FRYL: variants seen among roughly 807,000 people sequenced by gnomAD.
The protein encoded by FRYL is protein furry homolog-like.
FRYL carries 150 observed loss-of-function variants against 351.2 expected under a neutral mutation model. The ratio of observed to expected loss-of-function variants is 0.43; its 90% CI spans 0.37 to 0.49. The LOEUF (loss-of-function observed/expected upper bound fraction) is 0.49, where lower values mean the gene tolerates loss of function less well. Ranked by LOEUF, FRYL falls within the 20% of genes least tolerant of loss-of-function variation. The probability of loss-of-function intolerance (pLI) is 0.00; values close to 1 mark genes in which losing one functional copy is unlikely to be tolerated. For synonymous variants in FRYL, 1,153 were observed against 1,257.1 expected (o/e 0.92, Z 1.75); for missense variants, 3,036 against 3,619.3 (o/e 0.84, Z 4.13).
At chr4:48,639,037 A>T (rs1168551181) in intron 3 of FRYL, among the ~76,000 whole-genome samples, 1 of 152,064 alleles carries the variant, frequency 6.6e-6, no homozygotes, top group African/African-American at 2.4e-5. Context: ...GCAAACCAAC[A>T]TGGCATGTGT....
Position 48,619,282 on chromosome 4 carries a change from G to T in FRYL, c.403C>A (p.Leu135Ile). ...FIFCLVLVEV[L>I]KQIPVHPVPD... Reference sequence around the variant, plus strand: ...GAAATAAAAGAGCTTACCTGCTTTAGAACTTCAACTAAAACTAAACAAAAA... The same window carrying T: ...GAAATAAAAGAGCTTACCTGCTTTATAACTTCAACTAAAACTAAACAAAAA... Residue 135 changes from leucine (L) to isoleucine (I), a missense_variant, in exon 7 of 64, where the codon CTA becomes ATA. Leu to Ile is a conservative substitution (Grantham distance 5). Coordinates refer to ENST00000358350, the MANE Select transcript of FRYL (RefSeq NM_015030.2). 2 of 1,600,474 alleles carry T rather than the reference G, an allele frequency of 1.2e-6. No homozygotes were observed. Among genetic ancestry groups the T allele is most frequent in the South Asian group, 1.1e-5 (1 of 89,856 alleles).
Position 48,607,306 on chromosome 4 carries a change from T to G in FRYL, c.573-700A>C, listed in dbSNP as rs1333286793. ...CCAGTTCCTTAAAGTTAAAATAACC[T>G]CAAAACATGCTTTCCAGTGGTCACT... On this transcript the variant is annotated intron_variant, in intron 9 of 63. Coordinates refer to ENST00000358350, the MANE Select transcript of FRYL (RefSeq NM_015030.2). Among the ~76,000 whole-genome samples the G allele has an allele frequency of 2.6e-5, 4 of 152,024 alleles. No individual in the cohort carries two copies. The East Asian group carries it at 7.7e-4, about 29-fold the overall frequency.
intron 1 of FRYL, among the ~76,000 whole-genome samples, chr4:48,776,149 T>C (rs1358517941): frequency 1.3e-5 from 2 of 150,670 alleles, no homozygotes; most frequent in Non-Finnish European, 3.0e-5. Context: ...ACACTTTTCG[T>C]TTCTTTTTTT....
intron 1 of FRYL, among the ~76,000 whole-genome samples, chr4:48,714,639 C>G (rs1408194225): frequency 6.7e-6 from 1 of 149,494 alleles, no homozygotes; most frequent in African/African-American, 2.4e-5. Context: ...AATAGCTTAC[C>G]AACCAAAAAG....
chr4:48,716,438 AAAC>A lies in FRYL; in HGVS notation c.-383-5743_-383-5741del, dbSNP rs554802767. Among the ~76,000 whole-genome samples, 160 of 151,796 alleles carry A rather than the reference AAAC, an allele frequency of 1.1e-3. 5 individuals carry two copies. Among genetic ancestry groups the A allele is most frequent in the Admixed American group, 8.6e-3 (130 of 15,144 alleles). ...TCCAACAAATTTACAAGAAAAAAAC[AAAC>A]AACCCCGTCAGAAAGTGGGCGAAGG... On this transcript the variant is annotated intron_variant, in intron 1 of 63. Transcript: ENST00000358350.
At position 48,679,187 on chromosome 4, in the gene FRYL, C is replaced by T. The variant is rs373278688; in HGVS notation, c.-81+5486G>A. ...TTTAATTAAAATTATGAGATGCCAA[C>T]CCATCAGTGGCCTCATTTCCATTTC... On this transcript the variant is annotated intron_variant, in intron 3 of 63. Transcript: ENST00000358350. 7.9e-5 allele frequency among the ~76,000 whole-genome samples: 12 copies of T among 152,134 alleles called. No homozygotes were observed. The South Asian group carries it at 2.5e-3, about 32-fold the overall frequency.
intron 3 of FRYL, among the ~76,000 whole-genome samples, chr4:48,634,743 TTTG>T (rs975706714): frequency 3.3e-5 from 5 of 152,162 alleles, no homozygotes; most frequent in Admixed American, 2.6e-4. Flanking sequence ...TCTTTTGGTT[TTTG>T]TTGTTGTTGT....
intron 3 of FRYL, among the ~76,000 whole-genome samples, chr4:48,649,000 C>T (rs1400469028): frequency 6.6e-6 from 1 of 152,096 alleles, no homozygotes; most frequent in Non-Finnish European, 1.5e-5. Flanking sequence ...CTTTGAAAAA[C>T]AGCAATAATA....
At chr4:48,759,812 C>G (rs1239107950) in intron 1 of FRYL, among the ~76,000 whole-genome samples, 1 of 152,114 alleles carries the variant, frequency 6.6e-6, no homozygotes, top group Non-Finnish European at 1.5e-5. Context: ...TTAGGCCCAG[C>G]CAGTAATCCA....
chr4:48,620,838 A>C (rs1750515129), intron 5 of FRYL, 60 bp from the exon 6 acceptor site: 2 of 1,400,598 alleles, frequency 1.4e-6, no homozygotes, highest in East Asian at 4.6e-5. Context: ...CACACTCTTA[A>C]GTTCTATTAG....
intron 29 of FRYL, among the ~76,000 whole-genome samples, chr4:48,565,278 GTAA>G (rs1736520020): frequency 2.3e-4 from 1 of 4,296 alleles, no homozygotes; most frequent in South Asian, 0.05. Context: ...AAGTAATTAA[GTAA>G]GGGAAAAAAG....
rs112443615 is a variant in FRYL, at chr4:48,612,238, G to GA, written c.412-2416dup. ...TATTCCAGTCTGTACCTGAATCTTTGAAAAAAAAAAAGTGTATTAATTCTT... is the reference window on the plus strand; with the variant it reads ...TATTCCAGTCTGTACCTGAATCTTTGAAAAAAAAAAAAGTGTATTAATTCTT... On this transcript the variant is annotated intron_variant, in intron 7 of 63. Transcript: ENST00000358350. 9.5e-3 allele frequency among the ~76,000 whole-genome samples: 1,364 copies of GA among 144,338 alleles called. 17 individuals carry two copies. The highest frequency in any genetic ancestry group is 0.029 in the East Asian group (147 of 5,030). The allele number at this position is 144,338 out of a possible 152,430, so 94.7% of individuals were successfully genotyped here.
At chr4:48,562,779 C>G in intron 32 of FRYL, 110 bp downstream of exon 32, 1 of 651,936 alleles carries the variant, frequency 1.5e-6, no homozygotes, top group Non-Finnish European at 2.7e-6. Flanking sequence ...AACTTCTTTA[C>G]TATAAATAAA....
At chr4:48,613,524 T>C (rs1389122477) in intron 7 of FRYL, among the ~76,000 whole-genome samples, 3 of 152,176 alleles carry the variant, frequency 2.0e-5, no homozygotes, top group African/African-American at 7.2e-5. Flanking sequence ...ACCATCAACA[T>C]TTTCTATGTT....
In FRYL at chr4:48,549,856, A is replaced by G. The variant is rs1411425214; in HGVS notation, c.4634-233T>C. 6.6e-6 allele frequency among the ~76,000 whole-genome samples: 1 copy of G among 152,216 alleles called. No homozygotes were observed. Among genetic ancestry groups the G allele is most frequent in the Non-Finnish European group, 1.5e-5 (1 of 68,038 alleles). On this transcript the variant is annotated intron_variant, in intron 38 of 63. Transcript: ENST00000358350. This position sits in a 1 kb window ranked among gnomAD's most constrained non-coding sequence, Gnocchi z 4.2. ...TAGGTTCCACCCTGTACGTCAAAGC[A>G]AAACTATATTAGCACTTCATCATGA...
At chr4:48,774,846 A>T (rs182408503) in intron 1 of FRYL, among the ~76,000 whole-genome samples, 4 of 152,312 alleles carry the variant, frequency 2.6e-5, no homozygotes. Context: ...CGTCCAGCCA[A>T]TGATTTTTCA....
Position 48,544,017 on chromosome 4 carries a change from GA to G in FRYL, c.5402-21del, listed in dbSNP as rs1560572860. Reference sequence around the variant, plus strand: ...TTCCTTCTGTGAATGCAAAGGAAACGAGTAGGTTGTTCTTGTTCTTTAGAAT... The same window carrying G: ...TTCCTTCTGTGAATGCAAAGGAAACGGTAGGTTGTTCTTGTTCTTTAGAAT... On this transcript the variant is annotated intron_variant, in intron 43 of 63. Coordinates refer to ENST00000358350, the MANE Select transcript of FRYL (RefSeq NM_015030.2). The G allele has an allele frequency of 6.2e-7, 1 of 1,608,076 alleles. No individual in the cohort carries two copies. Among genetic ancestry groups the G allele is most frequent in the Non-Finnish European group, 8.5e-7 (1 of 1,175,366 alleles).
intron 55 of FRYL, among the ~76,000 whole-genome samples, chr4:48,516,039 CA>C (rs1355622877): frequency 6.6e-6 from 1 of 152,128 alleles, no homozygotes; most frequent in East Asian, 1.9e-4. Flanking sequence ...ACTGACCAAT[CA>C]GAAGGATGCT....
intron 1 of FRYL, among the ~76,000 whole-genome samples, chr4:48,716,519 G>GA (rs1428567687): frequency 1.3e-5 from 2 of 151,538 alleles, no homozygotes; most frequent in African/African-American, 4.8e-5. Context: ...AAAAACACAC[G>GA]AAAAAATGCT....
Sources: gnomAD v4.1 joint callset for allele counts (sites outside exome capture counted in the v4.1 genomes callset) on GRCh38, gnomAD v4.1.1 for gene constraint, Gnocchi (gnomAD v3.1) non-coding constraint, MANE v1.5 for transcripts, NCBI Gene and HGNC (gene_info 2026-07-23, HGNC 2026-07-21) for gene names.